Variants in LYPD6 observed in about 807,000 individuals in gnomAD.
LYPD6 encodes LY6/PLAUR domain containing 6, also known as ly6/PLAUR domain-containing protein 6.
In LYPD6, 15 loss-of-function variants were observed where a neutral mutation model predicts 22.7. That is an observed-to-expected ratio of 0.66 (90% CI 0.44 to 1.02). The LOEUF is 1.02. Ranked by LOEUF, LYPD6 falls within the 50% of genes least tolerant of loss-of-function variation. The probability of loss-of-function intolerance (pLI) is 0.00; values close to 1 mark genes in which losing one functional copy is unlikely to be tolerated. For synonymous variants in LYPD6, 72 were observed against 77.5 expected, an observed-to-expected ratio of 0.93 and a Z score of 0.37; for missense variants, 189 against 208.4, an observed-to-expected ratio of 0.91 and a Z score of 0.57.
At chr2:149,408,127 T>G (rs1256529720) in intron 1 of LYPD6, among the ~76,000 whole-genome samples, 1 of 152,098 alleles carries the variant, frequency 6.6e-6, no homozygotes, top group Non-Finnish European at 1.5e-5. Flanking sequence ...GCCGTGTGAG[T>G]TGTCAGTCTG....
intron 1 of LYPD6, among the ~76,000 whole-genome samples, chr2:149,419,086 A>C (rs1301613942): frequency 6.6e-6 from 1 of 152,248 alleles, no homozygotes; most frequent in Non-Finnish European, 1.5e-5. Context: ...GACGGAGTCA[A>C]ATGTAAAGCA....
chr2:149,413,732 A>T (rs1320365724), intron 1 of LYPD6, among the ~76,000 whole-genome samples: 1 of 152,220 alleles, frequency 6.6e-6, no homozygotes, highest in Non-Finnish European at 1.5e-5. Context: ...GGCCAGGGTC[A>T]TTAGAAAAGT....
downstream of LYPD6, among the ~76,000 whole-genome samples, chr2:149,475,294 G>A (rs1230185102): frequency 6.6e-6 from 1 of 152,042 alleles, no homozygotes; most frequent in African/African-American, 2.4e-5. Flanking sequence ...TGTAACTGGG[G>A]GCACTTGAAC....
At chr2:149,364,666 C>G (rs1344296014) in intron 1 of LYPD6, among the ~76,000 whole-genome samples, 1 of 150,686 alleles carries the variant, frequency 6.6e-6, no homozygotes, top group Non-Finnish European at 1.5e-5. Flanking sequence ...CTCATTGTTT[C>G]CCTGGGATGA....
At chr2:149,433,018 C>A (rs1683351665) in intron 1 of LYPD6, among the ~76,000 whole-genome samples, 1 of 152,138 alleles carries the variant, frequency 6.6e-6, no homozygotes, top group Non-Finnish European at 1.5e-5. Flanking sequence ...TAAAACACTC[C>A]TTAAGTCCTA....
intron 1 of LYPD6, among the ~76,000 whole-genome samples, chr2:149,355,955 G>A (rs910773787): frequency 1.3e-5 from 2 of 151,960 alleles, no homozygotes. Flanking sequence ...AATTTTTATG[G>A]CGATGAACTG....
intron 1 of LYPD6, among the ~76,000 whole-genome samples, chr2:149,420,531 C>G (rs902669968): frequency 6.6e-6 from 1 of 152,118 alleles, no homozygotes; most frequent in Admixed American, 6.6e-5. Flanking sequence ...GTGTACTTCA[C>G]CTGGAGTATT....
At chr2:149,448,934 G>T (rs1422244173) in intron 2 of LYPD6, 115 bp from the exon 3 acceptor site, 2 of 790,776 alleles carry the variant, frequency 2.5e-6, no homozygotes, top group African/African-American at 3.5e-5. Context: ...GAAGGTTTAA[G>T]AAACTGCTAA....
At chr2:149,483,052 GGAGGTTTGTCAA>G in the LYPD6 span, among the ~76,000 whole-genome samples, 1 of 152,302 alleles carries the variant, frequency 6.6e-6, no homozygotes. Flanking sequence ...AGAGCCCGGT[GGAGGTTTGTCAA>G]GATTGCATCT....
intron 1 of LYPD6, among the ~76,000 whole-genome samples, chr2:149,418,161 G>T (rs1009077563): frequency 1.3e-5 from 2 of 152,202 alleles, no homozygotes; most frequent in African/African-American, 4.8e-5. Flanking sequence ...AAGGCATCAA[G>T]AGAGATCCTC....
At chr2:149,475,602 A>G (rs1473250691), downstream of LYPD6, among the ~76,000 whole-genome samples, 1 of 152,132 alleles carries the variant, frequency 6.6e-6, no homozygotes, top group Admixed American at 6.5e-5. Flanking sequence ...GCTGTTTATT[A>G]TCTTTGACAA....
At chr2:149,449,196 A>T (rs893424859) in intron 3 of LYPD6, 49 bp downstream of exon 3, 2 of 1,279,350 alleles carry the variant, frequency 1.6e-6, no homozygotes, top group South Asian at 2.5e-5. Flanking sequence ...TCCGTGAGTG[A>T]ACAGCCCTTT....
intron 1 of LYPD6, among the ~76,000 whole-genome samples, chr2:149,414,624 A>T (rs1235956450): frequency 6.6e-6 from 1 of 152,218 alleles, no homozygotes; most frequent in Non-Finnish European, 1.5e-5. Flanking sequence ...CTGAACCTTC[A>T]TAACTAGCAC....
At chr2:149,406,161 GTCAATT>G (rs1382530126) in intron 1 of LYPD6, among the ~76,000 whole-genome samples, 34 of 148,574 alleles carry the variant, frequency 2.3e-4, no homozygotes, top group Admixed American at 2.0e-4. Flanking sequence ...CAAGTATGTG[GTCAATT>G]TTGGAATAGG....
At chr2:149,465,490 A>C (rs1681179974) in intron 3 of LYPD6, among the ~76,000 whole-genome samples, 1 of 152,186 alleles carries the variant, frequency 6.6e-6, no homozygotes, top group Non-Finnish European at 1.5e-5. Flanking sequence ...CACCTGGAAA[A>C]TTATTCTCTA....
intron 1 of LYPD6, among the ~76,000 whole-genome samples, chr2:149,345,515 C>T (rs1681238631): frequency 6.7e-6 from 1 of 150,368 alleles, no homozygotes; most frequent in Admixed American, 6.6e-5. Flanking sequence ...CAGGGTTTCA[C>T]CATGTTAGCC....
chr2:149,483,838 T>C, the LYPD6 span, among the ~76,000 whole-genome samples: 1 of 152,230 alleles, frequency 6.6e-6, no homozygotes, highest in Non-Finnish European at 1.5e-5. Flanking sequence ...TTGAACCTAA[T>C]GGCACATTTT....
chr2:149,370,642 A>T (rs1057159498), intron 1 of LYPD6: 1 of 152,182 alleles, frequency 6.6e-6, no homozygotes, highest in African/African-American at 2.4e-5. Flanking sequence ...TCTCTTGCTT[A>T]TAAATAAATT....
At chr2:149,353,147 G>A (rs1466957031) in intron 1 of LYPD6, among the ~76,000 whole-genome samples, 1 of 152,220 alleles carries the variant, frequency 6.6e-6, no homozygotes, top group Non-Finnish European at 1.5e-5. Flanking sequence ...ATTCTGGCAT[G>A]AGCTGTTGGC....
Sources: allele counts gnomAD v4.1 joint callset (sites outside exome capture counted in the v4.1 genomes callset), GRCh38; gene constraint gnomAD v4.1.1; transcripts MANE v1.5; gene names NCBI Gene and HGNC (gene_info 2026-07-23, HGNC 2026-07-21).